The following IL1RAPL1 variants were observed in gnomAD, a reference collection of about 807,000 sequenced individuals.
IL1RAPL1 encodes the protein interleukin 1 receptor accessory protein like 1.
Under a neutral mutation model 48.4 loss-of-function variants are expected in IL1RAPL1, and 3 were observed. The observed-to-expected ratio is 0.06, with a 90% CI of 0.03 to 0.16. The LOEUF is 0.16. Among genes scored for constraint, IL1RAPL1 ranks in the 10% least tolerant of loss-of-function variants. IL1RAPL1 has a pLI of 1.00. For synonymous variants in IL1RAPL1, 185 were observed against 187.7 expected (o/e 0.99, Z 0.12); for missense variants, 349 against 530.6 (o/e 0.66, Z 3.36).
intron 1 of IL1RAPL1, among the ~76,000 whole-genome samples, chrX:28,778,613 A>G (rs73630085): frequency 0.023 from 2,561 of 111,634 alleles, 71 homozygotes; most frequent in African/African-American, 0.079. Flanking sequence ...GTTTTTATTT[A>G]TGCTCTCTAT....
intron 3 of IL1RAPL1, among the ~76,000 whole-genome samples, chrX:29,394,982 G>T (rs1239843000): frequency 4.5e-5 from 5 of 112,025 alleles, no homozygotes; most frequent in Non-Finnish European, 9.4e-5. Flanking sequence ...ACAAAAGCAA[G>T]AATCTAAATA....
chrX:29,586,529 T>G (rs1375317976), intron 5 of IL1RAPL1, among the ~76,000 whole-genome samples: 3 of 111,997 alleles, frequency 2.7e-5, no homozygotes, highest in Non-Finnish European at 3.8e-5. Context: ...TATGGTCTTT[T>G]ATGGTTCCAT....
At chrX:29,581,106 A>G (rs147650210) in intron 5 of IL1RAPL1, among the ~76,000 whole-genome samples, 131 of 112,561 alleles carry the variant, frequency 1.2e-3, no homozygotes, top group Middle Eastern at 9.3e-3. Context: ...TTCCTTTAGC[A>G]TTTATATAAG....
chrX:29,299,572 G>C (rs1932501602), intron 3 of IL1RAPL1, among the ~76,000 whole-genome samples: 1 of 111,744 alleles, frequency 8.9e-6, no homozygotes, highest in Admixed American at 9.5e-5. Flanking sequence ...CCCCTTTTCA[G>C]GGTTTCTCAA....
intron 1 of IL1RAPL1, among the ~76,000 whole-genome samples, chrX:28,734,643 A>G (rs1277706342): frequency 9.4e-6 from 1 of 105,879 alleles, no homozygotes; most frequent in African/African-American, 3.5e-5. Flanking sequence ...CATTTCTCCT[A>G]CCCTCCTCTA....
chrX:29,937,532 A>T (rs1296182693), intron 8 of IL1RAPL1, among the ~76,000 whole-genome samples: 1 of 112,452 alleles, frequency 8.9e-6, no homozygotes, highest in African/African-American at 3.2e-5. Context: ...GCAAAAGAAT[A>T]CAGAGGCTAA....
At chrX:29,128,426 T>G (rs146726003) in intron 2 of IL1RAPL1, among the ~76,000 whole-genome samples, 164 of 111,496 alleles carry the variant, frequency 1.5e-3, no homozygotes, top group African/African-American at 5.2e-3. Context: ...TGCTTTAGGG[T>G]CTTTATTCCT....
chrX:29,923,127 A>G (rs1241936118), intron 8 of IL1RAPL1, among the ~76,000 whole-genome samples: 1 of 111,990 alleles, frequency 8.9e-6, no homozygotes, highest in Non-Finnish European at 1.9e-5. Flanking sequence ...GCTTCCTTGT[A>G]TCAAATGTGT....
At chrX:28,900,802 C>A (rs780699243) in intron 2 of IL1RAPL1, among the ~76,000 whole-genome samples, 1 of 111,510 alleles carries the variant, frequency 9.0e-6, no homozygotes, top group East Asian at 2.8e-4. Context: ...ACCAGCTTTA[C>A]CTTATCTATT....
chrX:29,528,090 A>G (rs1935573486), intron 5 of IL1RAPL1, among the ~76,000 whole-genome samples: 1 of 112,448 alleles, frequency 8.9e-6, no homozygotes, highest in South Asian at 3.7e-4. Context: ...GGAGGGGGAA[A>G]TAGAAATATC....
chrX:29,478,065 A>C (rs1053502719), intron 5 of IL1RAPL1, among the ~76,000 whole-genome samples: 9 of 112,298 alleles, frequency 8.0e-5, no homozygotes, highest in African/African-American at 2.9e-4. Context: ...AACAGAAAGA[A>C]AAGAGAGCAA....
chrX:28,801,892 G>T (rs1321218906), intron 2 of IL1RAPL1, among the ~76,000 whole-genome samples: 2 of 111,705 alleles, frequency 1.8e-5, no homozygotes, highest in African/African-American at 6.5e-5. Flanking sequence ...ACAAATAATA[G>T]TTCATCTTTT....
chrX:28,981,129 G>GGAAA (rs1183992485), intron 2 of IL1RAPL1, among the ~76,000 whole-genome samples: 1 of 47,273 alleles, frequency 2.1e-5, no homozygotes, highest in Non-Finnish European at 3.9e-5. Flanking sequence ...AAAAAAAAAA[G>GGAAA]GAAAGAAAGA....
At chrX:29,658,268 C>T (rs1463522762) in intron 5 of IL1RAPL1, among the ~76,000 whole-genome samples, 1 of 111,381 alleles carries the variant, frequency 9.0e-6, no homozygotes, top group Admixed American at 9.6e-5. Context: ...GTGCATCAAA[C>T]AGGGCTGAAG....
chrX:29,260,626 C>G (rs1381568464), intron 2 of IL1RAPL1, among the ~76,000 whole-genome samples: 1 of 111,637 alleles, frequency 9.0e-6, no homozygotes, highest in Non-Finnish European at 1.9e-5. Context: ...CACAGTCAAA[C>G]CACACCAATC....
At position 28,734,619 on chromosome X, in the gene IL1RAPL1, C is replaced by T. The variant is rs781544153; in HGVS notation, c.-24-54701C>T. Among the ~76,000 whole-genome samples, 28 of 109,481 alleles carry T rather than the reference C, an allele frequency of 2.6e-4. No homozygotes were observed. The South Asian group carries it at 0.01, about 40-fold the overall frequency. On this transcript the variant is annotated intron_variant, in intron 1 of 10. Coordinates refer to ENST00000378993, the MANE Select transcript of IL1RAPL1 (RefSeq NM_014271.4). The stretch of plus-strand genomic sequence containing the variant: ...ATAACTCTCTAACTCCTGACTGTCA[C>T]CTCTGGCATTTCCCATTTCTCCTAC...
intron 2 of IL1RAPL1, among the ~76,000 whole-genome samples, chrX:28,892,214 G>T (rs936137710): frequency 9.1e-6 from 1 of 109,789 alleles, no homozygotes; most frequent in African/African-American, 3.3e-5. Context: ...AGTCCTAAAA[G>T]AGAGTCAGCG....
At chrX:29,608,654 G>A (rs887201801) in intron 5 of IL1RAPL1, among the ~76,000 whole-genome samples, 10 of 105,085 alleles carry the variant, frequency 9.5e-5, no homozygotes, top group South Asian at 4.6e-4. Flanking sequence ...GTGAAACCCC[G>A]TCTCTACTAA....
At chrX:29,454,038 A>G (rs1431104187) in intron 5 of IL1RAPL1, among the ~76,000 whole-genome samples, 4 of 112,192 alleles carry the variant, frequency 3.6e-5, no homozygotes, top group Admixed American at 9.5e-5. Context: ...GTACCTTTCA[A>G]TATTTTCTTT....
Sources: allele counts gnomAD v4.1 joint callset (sites outside exome capture counted in the v4.1 genomes callset), GRCh38; gene constraint gnomAD v4.1.1; transcripts MANE v1.5; gene names NCBI Gene and HGNC (gene_info 2026-07-23, HGNC 2026-07-21).